Variants in MSH3 observed in about 807,000 individuals in gnomAD.
The protein encoded by MSH3 is mutS homolog 3.
MSH3 carries 106 observed loss-of-function variants against 123.3 expected under a neutral mutation model. That is an observed-to-expected ratio of 0.86 (90% CI 0.73 to 1.01). The LOEUF (loss-of-function observed/expected upper bound fraction) is 1.01. MSH3 is among the 50% of genes least tolerant of loss of function. The pLI is 0.00. For missense variants in MSH3, 1,459 were observed against 1,347.6 expected (o/e 1.08, Z -1.29); for synonymous variants, 515 against 481.4 (o/e 1.07, Z -0.91).
intron 19 of MSH3, among the ~76,000 whole-genome samples, chr5:80,801,314 C>G (rs6151865): frequency 0.11 from 16,059 of 152,178 alleles, 1,207 homozygotes; most frequent in East Asian, 0.32. Context: ...GGCAGTGGCA[C>G]TGGGCATGGA....
At chr5:80,781,478 CTT>C (rs71659599) in intron 17 of MSH3, among the ~76,000 whole-genome samples, 32 of 142,600 alleles carry the variant, frequency 2.2e-4, no homozygotes, top group Non-Finnish European at 2.9e-4. Flanking sequence ...TTACCAAGTT[CTT>C]TTTTTTTTTT....
intron 20 of MSH3, among the ~76,000 whole-genome samples, chr5:80,841,130 C>T (rs1364060841): frequency 3.3e-5 from 5 of 152,046 alleles, no homozygotes; most frequent in Admixed American, 6.6e-5. Context: ...TGTTCAGTTC[C>T]CACCTATGAG....
At chr5:80,718,061 T>C (rs1258232041) in intron 8 of MSH3, among the ~76,000 whole-genome samples, 1 of 152,192 alleles carries the variant, frequency 6.6e-6, no homozygotes, top group Non-Finnish European at 1.5e-5. Flanking sequence ...AATACAGATA[T>C]AGAAGAAGGC....
At chr5:80,675,149 G>A (rs1749812903) in intron 7 of MSH3, 21 bp downstream of exon 7, 1 of 1,612,936 alleles carries the variant, frequency 6.2e-7, no homozygotes. Context: ...TGCAGGTGAG[G>A]AACAAATGTT....
chr5:80,822,852 A>C (rs1745224407), intron 20 of MSH3, among the ~76,000 whole-genome samples: 1 of 152,220 alleles, frequency 6.6e-6, no homozygotes, highest in Non-Finnish European at 1.5e-5. Context: ...ATGCTGAGAC[A>C]TGCCTTTATC....
chr5:80,709,156 C>A (rs746313576), intron 8 of MSH3, among the ~76,000 whole-genome samples: 11 of 151,654 alleles, frequency 7.3e-5, no homozygotes, highest in Non-Finnish European at 1.2e-4. Flanking sequence ...AGAAATCTAC[C>A]ATTTCAGCTT....
intron 6 of MSH3, among the ~76,000 whole-genome samples, chr5:80,674,252 C>A (rs1749785646): frequency 6.6e-6 from 1 of 152,152 alleles, no homozygotes; most frequent in Non-Finnish European, 1.5e-5. Context: ...TATGTCCAGA[C>A]TTTGCCCCAA....
chr5:80,868,953 C>T (rs1465817719), intron 22 of MSH3, among the ~76,000 whole-genome samples: 3 of 152,130 alleles, frequency 2.0e-5, no homozygotes, highest in African/African-American at 7.2e-5. Context: ...CCCAACTTCT[C>T]CTCTTCTGTA....
chr5:80,665,312 C>T lies in MSH3; in HGVS notation c.528C>T (p.His176=), dbSNP rs368468467. ...ATTTTGATGATATCAGTCTTCTACA[C>T]GCAAAGAATGCAGTTTCTTCTGAAG... ...CTDFDDISLL[H]AKNAVSSEDS... The change falls in exon 3 of 24, where the codon CAC becomes CAT. Residue 176 remains histidine (H), a synonymous_variant. Transcript: ENST00000265081. The T allele has an allele frequency of 5.1e-5, 83 of 1,613,446 alleles. No homozygotes were observed. Among genetic ancestry groups the T allele is most frequent in the Non-Finnish European group, 6.4e-5 (76 of 1,179,984 alleles).
chr5:80,865,578 G>C (rs996237269), intron 22 of MSH3, among the ~76,000 whole-genome samples: 28 of 152,102 alleles, frequency 1.8e-4, no homozygotes, highest in Non-Finnish European at 4.4e-5. Flanking sequence ...TGGTGTCACA[G>C]AAATGAGACA....
chr5:80,819,683 C>T (rs1321298034), intron 20 of MSH3, among the ~76,000 whole-genome samples: 1 of 151,848 alleles, frequency 6.6e-6, no homozygotes, highest in African/African-American at 2.4e-5. Flanking sequence ...GAGGGGGTTT[C>T]GCCATGTTGG....
chr5:80,815,275 TCTTAAGA>T (rs1448029676), intron 20 of MSH3, among the ~76,000 whole-genome samples: 19 of 152,134 alleles, frequency 1.2e-4, no homozygotes, highest in Admixed American at 1.2e-3. Flanking sequence ...TTTCTTTAGT[TCTTAAGA>T]CTTAATTGAT....
At chr5:80,732,694 A>G (rs946685223) in intron 10 of MSH3, among the ~76,000 whole-genome samples, 26 of 152,318 alleles carry the variant, frequency 1.7e-4, no homozygotes, top group Non-Finnish European at 2.1e-4. Context: ...ATTGTACTCC[A>G]TGACTATTGG....
chr5:80,699,558 C>CAAA (rs55795731), intron 8 of MSH3, among the ~76,000 whole-genome samples: 18 of 78,514 alleles, frequency 2.3e-4, no homozygotes, highest in Non-Finnish European at 2.6e-4. Context: ...ACACTGTCTC[C>CAAA]AAAAAAAAAA....
At chr5:80,745,186 G>A (rs1379086472) in intron 12 of MSH3, among the ~76,000 whole-genome samples, 2 of 152,130 alleles carry the variant, frequency 1.3e-5, no homozygotes, top group African/African-American at 2.4e-5. Flanking sequence ...TCTGCACATC[G>A]GAATCACCTG....
intron 15 of MSH3, among the ~76,000 whole-genome samples, chr5:80,770,619 C>A (rs1226020973): frequency 6.6e-6 from 1 of 152,054 alleles, no homozygotes; most frequent in Admixed American, 6.6e-5. Context: ...ACCCAAGGTC[C>A]GAAGCACAAA....
intron 20 of MSH3, among the ~76,000 whole-genome samples, chr5:80,817,088 C>T (rs1228736904): frequency 1.3e-5 from 2 of 152,132 alleles, no homozygotes; most frequent in Non-Finnish European, 2.9e-5. Flanking sequence ...TGTTCTGAGA[C>T]TGAACCTTAA....
At chr5:80,741,164 T>C (rs1002452668) in intron 10 of MSH3, among the ~76,000 whole-genome samples, 7 of 152,202 alleles carry the variant, frequency 4.6e-5, no homozygotes, top group African/African-American at 1.2e-4. Flanking sequence ...TAAAAGACCA[T>C]GTTTGGTTCT....
chr5:80,819,101 T>A (rs1007507499), intron 20 of MSH3, among the ~76,000 whole-genome samples: 1 of 152,048 alleles, frequency 6.6e-6, no homozygotes, highest in Non-Finnish European at 1.5e-5. Flanking sequence ...TTTTTTTTTT[T>A]AATGCAGTAG....
Sources: gnomAD v4.1 joint callset for allele counts (sites outside exome capture counted in the v4.1 genomes callset) on GRCh38, gnomAD v4.1.1 for gene constraint, MANE v1.5 for transcripts, NCBI Gene and HGNC (gene_info 2026-07-23, HGNC 2026-07-21) for gene names.